Variants in RASA3 observed in about 807,000 individuals in gnomAD.
The protein encoded by RASA3 is ras GTPase-activating protein 3.
In RASA3, 73 loss-of-function variants were observed where a neutral mutation model predicts 110.0. The ratio of observed to expected loss-of-function variants is 0.66; its 90% CI spans 0.55 to 0.81. RASA3 has a LOEUF of 0.81. Among genes scored for constraint, RASA3 ranks in the 30% least tolerant of loss-of-function variants. RASA3 has a pLI of 0.00. For synonymous variants in RASA3, 500 were observed against 451.4 expected (o/e 1.11, Z -1.37); for missense variants, 976 against 1,113.2 (o/e 0.88, Z 1.75).
chr13:114,126,235 C>T (rs1004184264), intron 1 of RASA3, among the ~76,000 whole-genome samples: 6 of 152,120 alleles, frequency 3.9e-5, no homozygotes, highest in African/African-American at 7.2e-5. Flanking sequence ...CCAGAGGTAC[C>T]GGCACCTGCG....
intron 4 of RASA3, among the ~76,000 whole-genome samples, chr13:114,038,706 C>T (rs1566512223): frequency 1.3e-5 from 2 of 152,016 alleles, no homozygotes; most frequent in East Asian, 1.9e-4. Flanking sequence ...CAGGGCAAGA[C>T]GGTTCCCAGA....
At chr13:114,035,384 C>T (rs924705111) in intron 4 of RASA3, among the ~76,000 whole-genome samples, 1 of 152,232 alleles carries the variant, frequency 6.6e-6, no homozygotes, top group Non-Finnish European at 1.5e-5. Flanking sequence ...GGGGCCCCAG[C>T]GTCCAGCTCC....
At chr13:113,989,962 G>C (rs1034637552) in intron 22 of RASA3, among the ~76,000 whole-genome samples, 1 of 152,214 alleles carries the variant, frequency 6.6e-6, no homozygotes, top group African/African-American at 2.4e-5. Flanking sequence ...TAGTGTTGGA[G>C]GAGGGGCCTG....
chr13:114,055,219 A>C (rs533877902), intron 2 of RASA3, among the ~76,000 whole-genome samples: 21 of 152,362 alleles, frequency 1.4e-4, no homozygotes, highest in African/African-American at 5.0e-4. Context: ...GTGTGCTCAC[A>C]GGCATGTGTG....
rs542714627 is a variant in RASA3, at chr13:114,065,035, C to G, written c.173+8685G>C. Among the ~76,000 whole-genome samples the G allele has an allele frequency of 6.6e-6, 1 of 152,360 alleles. No individual in the cohort carries two copies. Among genetic ancestry groups the G allele is most frequent in the East Asian group, 1.9e-4 (1 of 5,184 alleles). ...AAGTGCAAATGAAGTTTCACAGAAT[C>G]AAGCAAACTTTCACGGGGAAAAAAG... On this transcript the variant is annotated intron_variant, in intron 2 of 23. Coordinates refer to ENST00000334062, the MANE Select transcript of RASA3 (RefSeq NM_007368.4). The surrounding 1 kb of genome is among the most constrained non-coding windows in gnomAD (Gnocchi z 4.1).
chr13:113,990,317 G>T (rs2053077969), intron 22 of RASA3, among the ~76,000 whole-genome samples: 2 of 152,204 alleles, frequency 1.3e-5, no homozygotes, highest in Admixed American at 1.3e-4. Flanking sequence ...GGGTCTGCCA[G>T]CCTGATGCGC....
chr13:114,040,944 C>T (rs971077634), intron 4 of RASA3, 56 bp downstream of exon 4: 25 of 1,553,504 alleles, frequency 1.6e-5, no homozygotes, highest in East Asian at 6.7e-5. Flanking sequence ...GGGCCCGTCT[C>T]GAAGCCCCAT....
In RASA3 at chr13:114,122,464, A is replaced by T. The variant is rs190997338; in HGVS notation, c.55+9971T>A. 3.1e-3 allele frequency among the ~76,000 whole-genome samples: 477 copies of T among 152,232 alleles called. 1 individual carries two copies. The highest frequency in any genetic ancestry group is 0.011 in the African/African-American group (448 of 41,544). ...TCTGACCCCAGCCTTGGAAACCCCC[A>T]TGCAGCCTGGGCCAGAATGAAGTAG... is the stretch of plus-strand genomic sequence containing the variant. On this transcript the variant is annotated intron_variant, in intron 1 of 23. Coordinates refer to ENST00000334062, the MANE Select transcript of RASA3 (RefSeq NM_007368.4).
chr13:114,123,752 C>T (rs923022260), intron 1 of RASA3, among the ~76,000 whole-genome samples: 4 of 152,158 alleles, frequency 2.6e-5, no homozygotes, highest in Admixed American at 1.3e-4. Flanking sequence ...GTGGGCCATG[C>T]GGGGCTGGGA....
At chr13:114,082,171 C>T (rs1179277396) in intron 1 of RASA3, among the ~76,000 whole-genome samples, 4 of 152,234 alleles carry the variant, frequency 2.6e-5, no homozygotes, top group African/African-American at 7.2e-5. Flanking sequence ...CCTACCTCCT[C>T]GCCCCACTCA....
chr13:114,097,017 A>C (rs1031776728), intron 1 of RASA3, among the ~76,000 whole-genome samples: 15 of 152,048 alleles, frequency 9.9e-5, no homozygotes, highest in Non-Finnish European at 1.9e-4. Flanking sequence ...GATCACCCCC[A>C]AAGCCACCAC....
intron 4 of RASA3, among the ~76,000 whole-genome samples, chr13:114,031,224 C>T (rs985713162): frequency 4.9e-5 from 7 of 141,850 alleles, no homozygotes; most frequent in South Asian, 2.3e-4. Flanking sequence ...ATTGTGTGTG[C>T]GTGTCCGTCT....
At chr13:114,039,786 G>A (rs1387216461) in intron 4 of RASA3, among the ~76,000 whole-genome samples, 2 of 152,188 alleles carry the variant, frequency 1.3e-5, no homozygotes, top group Non-Finnish European at 2.9e-5. Context: ...TGGGACATGG[G>A]CCCCAGCACT....
At chr13:114,016,367 C>A in intron 12 of RASA3, 96 bp from the exon 13 acceptor site, 1 of 941,298 alleles carries the variant, frequency 1.1e-6, no homozygotes. Context: ...GATGTAGACC[C>A]TGAGCCTCAT....
At chr13:114,067,581 G>A (rs958804438) in intron 2 of RASA3, among the ~76,000 whole-genome samples, 2 of 152,020 alleles carry the variant, frequency 1.3e-5, no homozygotes, top group African/African-American at 2.4e-5. Context: ...CTCCCCTCCC[G>A]AAAAACTTTG....
At chr13:114,104,811 C>T (rs1401619902) in intron 1 of RASA3, among the ~76,000 whole-genome samples, 1 of 151,954 alleles carries the variant, frequency 6.6e-6, no homozygotes, top group Non-Finnish European at 1.5e-5. Flanking sequence ...GGGGGGCTAC[C>T]GCCTCCCCAG....
chr13:114,000,893 C>A lies in RASA3; in HGVS notation c.1782G>T (p.Gly594=), dbSNP rs2139163729. ...IKRAQGRKRF[G]MKNFKKRWFR... is the part of the protein sequence containing the mutation. ...ACCATCTCTTCTTAAAATTCTTCATCCCAAAGCGCTTCCGTCCTTGGGCCC... is the reference window on the plus strand; with the variant it reads ...ACCATCTCTTCTTAAAATTCTTCATACCAAAGCGCTTCCGTCCTTGGGCCC... Residue 594 remains glycine (G), a synonymous_variant, in exon 19 of 24, where the codon GGG becomes GGT. Transcript: ENST00000334062. 1 of 1,613,972 alleles carries A rather than the reference C, an allele frequency of 6.2e-7. No individual in the cohort carries two copies. Among genetic ancestry groups the A allele is most frequent in the East Asian group, 2.2e-5 (1 of 44,886 alleles).
chr13:114,119,558 C>CA (rs2080338588), intron 1 of RASA3, among the ~76,000 whole-genome samples: 2 of 127,954 alleles, frequency 1.6e-5, no homozygotes, highest in South Asian at 6.2e-4. Flanking sequence ...CAGGGCCCCT[C>CA]CCTCTCTCCA....
intron 1 of RASA3, among the ~76,000 whole-genome samples, chr13:114,078,801 C>G (rs1376104023): frequency 6.6e-6 from 1 of 152,224 alleles, no homozygotes; most frequent in Non-Finnish European, 1.5e-5. Context: ...CCAGCCCTGA[C>G]CGAGGGTTAG....
Sources: allele counts gnomAD v4.1 joint callset (sites outside exome capture counted in the v4.1 genomes callset), GRCh38; gene constraint gnomAD v4.1.1; non-coding constraint Gnocchi (gnomAD v3.1); transcripts MANE v1.5; gene names NCBI Gene and HGNC (gene_info 2026-07-23, HGNC 2026-07-21).